Variants in PIK3C2A observed in about 807,000 individuals in gnomAD.
The protein encoded by PIK3C2A is phosphatidylinositol 4-phosphate 3-kinase C2 domain-containing subunit alpha.
PIK3C2A carries 97 observed loss-of-function variants against 204.5 expected under a neutral mutation model. That is an observed-to-expected ratio of 0.47 (90% CI 0.40 to 0.56). The LOEUF is 0.56. Among genes scored for constraint, PIK3C2A ranks in the 20% least tolerant of loss-of-function variants. The probability of loss-of-function intolerance (pLI) is 0.00; values close to 1 mark genes in which losing one functional copy is unlikely to be tolerated. For missense variants in PIK3C2A, 1,735 were observed against 1,969.2 expected (o/e 0.88, Z 2.25); for synonymous variants, 653 against 664.4 (o/e 0.98, Z 0.26).
intron 8 of PIK3C2A, among the ~76,000 whole-genome samples, chr11:17,144,894 CAAAAAAAA>C (rs35069519): frequency 5.1e-5 from 4 of 78,088 alleles, no homozygotes; most frequent in Non-Finnish European, 9.8e-5. Flanking sequence ...GACTCAGCCT[CAAAAAAAA>C]AAAAAAAAAA....
rs1849551039 is a variant in PIK3C2A, at chr11:17,127,103, T to C, written c.2399+2197A>G. Among the ~76,000 whole-genome samples, 3 of 152,148 alleles carry C rather than the reference T, an allele frequency of 2.0e-5. No homozygotes were observed. In the South Asian group the frequency reaches 6.2e-4, roughly 32 times the overall value. On this transcript the variant is annotated intron_variant, in intron 13 of 32. Transcript: ENST00000691414. ...AGCATATTCTGTTTTAGAGTAGTAA[T>C]GTATTATATTTAGCAAAAGGTTCCT...
Position 17,089,676 on chromosome 11 carries a change from T to C in PIK3C2A, c.*62A>G, listed in dbSNP as rs1176155766. On this transcript the variant is annotated 3_prime_UTR_variant, in exon 33 of 33. Transcript: ENST00000691414. ...GTGTGTGTGTGTGTGTCTGTGTGTG[T>C]GTGCATGTATGCATGCACGTTTATA... The C allele has an allele frequency of 3.3e-6, 3 of 908,960 alleles. No homozygotes were observed. The highest frequency in any genetic ancestry group is 2.5e-5 in the East Asian group (1 of 40,810). The allele number at this position is 908,960 out of a possible 1,614,324, so 56.3% of individuals were successfully genotyped here.
Position 17,169,642 on chromosome 11 carries a change from T to C in PIK3C2A, c.100A>G (p.Met34Val). 6.2e-7 allele frequency: 1 copy of C among 1,613,726 alleles called. No homozygotes were observed. The highest frequency in any genetic ancestry group is 8.5e-7 in the Non-Finnish European group (1 of 1,180,004). The change falls in exon 2 of 33, where the codon ATG becomes GTG. Residue 34 changes from methionine (M) to valine (V), a missense_variant. Met to Val is a conservative substitution (Grantham distance 21). Transcript: ENST00000691414. ...KDVDKEEALQMEAEALAKLQK... is the reference protein window; with the variant it reads ...KDVDKEEALQVEAEALAKLQK... ...AGTTTTGCTAAAGCCTCTGCTTCCA[T>C]CTGTAATGCTTCTTCTTTGTCCACA...
intron 22 of PIK3C2A, among the ~76,000 whole-genome samples, chr11:17,109,524 A>G (rs1848931082): frequency 6.6e-6 from 1 of 152,234 alleles, no homozygotes; most frequent in Non-Finnish European, 1.5e-5. Flanking sequence ...TTTATTTTAT[A>G]AAAATGAAAT....
chr11:17,117,424 T>A (rs1157029432), intron 19 of PIK3C2A, 67 bp downstream of exon 19: 2 of 1,042,562 alleles, frequency 1.9e-6, no homozygotes, highest in African/African-American at 1.6e-5. Flanking sequence ...GCAACTTAAT[T>A]AGTCAGCACC....
At chr11:17,126,938 G>A (rs1033069989) in intron 13 of PIK3C2A, among the ~76,000 whole-genome samples, 12 of 152,140 alleles carry the variant, frequency 7.9e-5, no homozygotes, top group African/African-American at 2.9e-4. Flanking sequence ...GACTCCTGGT[G>A]CTTTCAAGAG....
At chr11:17,165,456 A>T (rs1340048879) in intron 2 of PIK3C2A, among the ~76,000 whole-genome samples, 1 of 152,126 alleles carries the variant, frequency 6.6e-6, no homozygotes, top group East Asian at 1.9e-4. Context: ...CTTCCAAAAT[A>T]GCATGTTGTA....
chr11:17,135,990 T>C lies in PIK3C2A; in HGVS notation c.1848+492A>G, dbSNP rs1802061052. Among the ~76,000 whole-genome samples the C allele has an allele frequency of 2.6e-5, 4 of 152,156 alleles. No individual in the cohort carries two copies. In the South Asian group the frequency reaches 8.3e-4, roughly 32 times the overall value. ...AAATGTCATGACGGACAGCTTTTAT[T>C]AAAAGCAACAGTATAATCTAAAGGG... On this transcript the variant is annotated intron_variant, in intron 9 of 32. Transcript: ENST00000691414.
chr11:17,193,627 C>CACG (rs1565305344), intron 1 of PIK3C2A: 1 of 295,102 alleles, frequency 3.4e-6, no homozygotes, highest in East Asian at 1.2e-4. Context: ...GCGGGTGGAT[C>CACG]ACGAGGTCAA....
At chr11:17,136,399 T>C in intron 9 of PIK3C2A, 83 bp downstream of exon 9, 5 of 1,005,076 alleles carry the variant, frequency 5.0e-6, no homozygotes, top group Non-Finnish European at 7.6e-6. Flanking sequence ...AAAATGACAA[T>C]ATTTTGTCTA....
intron 8 of PIK3C2A, among the ~76,000 whole-genome samples, chr11:17,143,127 T>G (rs1317778227): frequency 6.6e-6 from 1 of 152,074 alleles, no homozygotes; most frequent in African/African-American, 2.4e-5. Flanking sequence ...AACTCCAGCT[T>G]ACCAGAGATA....
At chr11:17,151,943 A>C (rs72860715) in intron 3 of PIK3C2A, among the ~76,000 whole-genome samples, 1,956 of 152,282 alleles carry the variant, frequency 0.013, 23 homozygotes, top group Non-Finnish European at 0.02. Context: ...CACGAAATTA[A>C]TGTATAAAAT....
In PIK3C2A at chr11:17,097,041, T is replaced by C. The variant is rs774848878; in HGVS notation, c.4326+16A>G. On this transcript the variant is annotated intron_variant, in intron 27 of 32. Transcript: ENST00000691414. Reference sequence around the variant, plus strand: ...ATACATGCATGATTGTTTATGAATATTGAAATCAAACTTACATAATGTTTA... The same window carrying C: ...ATACATGCATGATTGTTTATGAATACTGAAATCAAACTTACATAATGTTTA... The C allele has an allele frequency of 3.6e-6, 5 of 1,395,474 alleles. No individual in the cohort carries two copies. Among genetic ancestry groups the C allele is most frequent in the African/African-American group, 2.8e-5 (2 of 70,476 alleles). The allele number at this position is 1,395,474 out of a possible 1,614,324, so 86.4% of individuals were successfully genotyped here.
chr11:17,111,596 G>T (rs1849000648), intron 21 of PIK3C2A, among the ~76,000 whole-genome samples: 1 of 151,988 alleles, frequency 6.6e-6, no homozygotes, highest in Admixed American at 6.6e-5. Context: ...TTAAAACTTG[G>T]CTGGGCATGG....
intron 13 of PIK3C2A, among the ~76,000 whole-genome samples, chr11:17,126,251 G>C (rs1431975834): frequency 1.3e-5 from 2 of 152,118 alleles, no homozygotes; most frequent in Non-Finnish European, 2.9e-5. Flanking sequence ...AGAAAAATTA[G>C]TTAAGAACTC....
intron 27 of PIK3C2A, among the ~76,000 whole-genome samples, chr11:17,094,594 C>T (rs1471622523): frequency 2.0e-5 from 3 of 152,036 alleles, no homozygotes; most frequent in Admixed American, 1.3e-4. Flanking sequence ...CATAGTGGTG[C>T]GTGCCTGTAA....
chr11:17,171,809 T>C (rs1216306570), intron 1 of PIK3C2A, among the ~76,000 whole-genome samples: 1 of 152,148 alleles, frequency 6.6e-6, no homozygotes, highest in African/African-American at 2.4e-5. Context: ...GGAGGTCTCA[T>C]TATGTTACCC....
chr11:17,189,162 A>G (rs996795901), intron 1 of PIK3C2A, among the ~76,000 whole-genome samples: 1 of 147,286 alleles, frequency 6.8e-6, no homozygotes, highest in South Asian at 2.1e-4. Flanking sequence ...ACCCAGTGGT[A>G]AACTGAATCA....
At chr11:17,173,499 C>T (rs539758441) in intron 1 of PIK3C2A, among the ~76,000 whole-genome samples, 3 of 152,288 alleles carry the variant, frequency 2.0e-5, no homozygotes, top group Admixed American at 6.5e-5. Flanking sequence ...TAAGATAAAA[C>T]GAAGAAAGAC....
Sources: gnomAD v4.1 joint callset for allele counts (sites outside exome capture counted in the v4.1 genomes callset) on GRCh38, gnomAD v4.1.1 for gene constraint, MANE v1.5 for transcripts, NCBI Gene and HGNC (gene_info 2026-07-23, HGNC 2026-07-21) for gene names.